KIAA1217: variants seen among roughly 807,000 people sequenced by gnomAD.
KIAA1217 encodes sickle tail protein homolog.
In KIAA1217, 88 loss-of-function variants were observed where a neutral mutation model predicts 163.9. The ratio of observed to expected loss-of-function variants is 0.54; its 90% CI spans 0.45 to 0.64. KIAA1217 has a LOEUF of 0.64. Among genes scored for constraint, KIAA1217 ranks in the 30% least tolerant of loss-of-function variants. The pLI, the probability that KIAA1217 is intolerant of heterozygous loss-of-function variation, is 0.00. For missense variants in KIAA1217, 2,372 were observed against 2,475.0 expected (o/e 0.96, Z 0.88); for synonymous variants, 903 against 923.1 (o/e 0.98, Z 0.39).
intron 1 of KIAA1217, among the ~76,000 whole-genome samples, chr10:23,814,666 G>A (rs1837235482): frequency 6.6e-6 from 1 of 152,154 alleles, no homozygotes; most frequent in African/African-American, 2.4e-5. Context: ...TCCTCCTCAT[G>A]TTTGAAATTG....
At chr10:24,285,973 ATTG>A (rs1272229336) in intron 2 of KIAA1217, among the ~76,000 whole-genome samples, 3 of 152,174 alleles carry the variant, frequency 2.0e-5, no homozygotes, top group Admixed American at 6.5e-5. Context: ...GTGTGTGGCT[ATTG>A]TTAATGAAAT....
At chr10:24,449,930 T>C (rs1429156150) in intron 5 of KIAA1217, among the ~76,000 whole-genome samples, 1 of 152,246 alleles carries the variant, frequency 6.6e-6, no homozygotes, top group Non-Finnish European at 1.5e-5. Context: ...GAAGAAAACC[T>C]CTCTTTGTTA....
At chr10:23,985,179 G>T (rs1845920855) in intron 1 of KIAA1217, among the ~76,000 whole-genome samples, 1 of 152,138 alleles carries the variant, frequency 6.6e-6, no homozygotes, top group African/African-American at 2.4e-5. Flanking sequence ...TCTTGATTTT[G>T]TGCTTGTCCT....
Position 24,545,957 on chromosome 10 carries a change from G to A in KIAA1217, c.5465G>A (p.Ser1822Asn), listed in dbSNP as rs2075693302. Reference protein sequence around the residue: ...SSSLPSSSGDSSNLPNPPATK... With the variant: ...SSSLPSSSGDNSNLPNPPATK... The stretch of plus-strand genomic sequence containing the variant: ...TCTCTGCCCTCTTCTAGTGGTGACA[G>A]CTCTAACCTCCCTAATCCACCTGCT... Residue 1822 changes from serine to asparagine, a missense_variant, in exon 21 of 21, where the codon AGC becomes AAC. By Grantham distance (46) the Ser-to-Asn change is conservative. This residue lies in a region of KIAA1217 where 690 missense variants were observed against 677.5 expected (regional missense o/e 1.02). Transcript: ENST00000376454. 1 of 1,614,118 alleles carries A rather than the reference G, an allele frequency of 6.2e-7. No homozygotes were observed.
chr10:23,748,396 T>A (rs778334655), intron 1 of KIAA1217, among the ~76,000 whole-genome samples: 1 of 149,900 alleles, frequency 6.7e-6, no homozygotes, highest in Non-Finnish European at 1.5e-5. Flanking sequence ...TTTCTTAGCA[T>A]CTAGCACAGC....
intron 3 of KIAA1217, among the ~76,000 whole-genome samples, chr10:24,430,356 T>C (rs2059503115): frequency 6.6e-6 from 1 of 152,258 alleles, no homozygotes; most frequent in Admixed American, 6.5e-5. Context: ...GGTGGCTACC[T>C]GGCTGGGTGG....
intron 2 of KIAA1217, among the ~76,000 whole-genome samples, chr10:24,302,911 G>A (rs1408356978): frequency 6.6e-6 from 1 of 152,100 alleles, no homozygotes; most frequent in African/African-American, 2.4e-5. Context: ...TGGGACTGAG[G>A]GACCATATGG....
intron 2 of KIAA1217, among the ~76,000 whole-genome samples, chr10:24,339,675 A>G (rs1374517824): frequency 6.6e-6 from 1 of 152,226 alleles, no homozygotes; most frequent in Non-Finnish European, 1.5e-5. Context: ...GAGAGGAAAT[A>G]AGGGCTGCAG....
At chr10:24,326,053 T>A (rs1251800869) in intron 2 of KIAA1217, among the ~76,000 whole-genome samples, 1 of 152,160 alleles carries the variant, frequency 6.6e-6, no homozygotes, top group African/African-American at 2.4e-5. Context: ...GGAGTGATGT[T>A]TCCATCACTC....
Position 24,252,913 on chromosome 10 carries a change from G to A in KIAA1217, c.354+33004G>A, listed in dbSNP as rs1460992497. On this transcript the variant is annotated intron_variant, in intron 2 of 20. Transcript: ENST00000376454. ...TCCCAGCACTTTCCCAGCACTTTGG[G>A]AGGCTGAGGCAGAAAGATCGATTGA... 4.6e-5 allele frequency among the ~76,000 whole-genome samples: 7 copies of A among 152,148 alleles called. No homozygotes were observed. The South Asian group carries it at 1.0e-3, about 23-fold the overall frequency.
intron 3 of KIAA1217, among the ~76,000 whole-genome samples, chr10:24,404,296 C>T (rs562394537): frequency 4.6e-5 from 7 of 152,124 alleles, no homozygotes; most frequent in East Asian, 1.9e-4. Flanking sequence ...GGGCCGGGTG[C>T]GGTGGCTTAT....
At chr10:23,866,198 T>A (rs1360108301) in intron 1 of KIAA1217, among the ~76,000 whole-genome samples, 3 of 152,118 alleles carry the variant, frequency 2.0e-5, no homozygotes, top group Non-Finnish European at 4.4e-5. Context: ...TGATGTGTGA[T>A]GTCGGGGGGA....
intron 3 of KIAA1217, 98 bp downstream of exon 3, chr10:24,381,165 T>A (rs1315676330): frequency 3.2e-6 from 3 of 930,986 alleles, no homozygotes; most frequent in African/African-American, 1.7e-5. Context: ...ATTAATTTGA[T>A]CTTGATTTGC....
At chr10:23,943,182 A>G (rs1275825784) in intron 1 of KIAA1217, among the ~76,000 whole-genome samples, 1 of 152,096 alleles carries the variant, frequency 6.6e-6, no homozygotes, top group Non-Finnish European at 1.5e-5. Context: ...ATAAGGAGGA[A>G]TAAGAGAAGG....
At chr10:24,288,422 C>G (rs928372021) in intron 2 of KIAA1217, among the ~76,000 whole-genome samples, 2 of 152,206 alleles carry the variant, frequency 1.3e-5, no homozygotes, top group Admixed American at 6.5e-5. Flanking sequence ...TTATCTGAAT[C>G]CTATTCTTGT....
chr10:24,360,034 T>G (rs1250100719), intron 2 of KIAA1217, among the ~76,000 whole-genome samples: 1 of 134,240 alleles, frequency 7.4e-6, no homozygotes, highest in East Asian at 2.3e-4. Flanking sequence ...CTTTAGGATA[T>G]AATTACTTTT....
chr10:24,437,019 G>A lies in KIAA1217; in HGVS notation c.753-1367G>A, dbSNP rs999290087. On this transcript the variant is annotated intron_variant, in intron 4 of 20. Coordinates refer to ENST00000376454, the MANE Select transcript of KIAA1217 (RefSeq NM_019590.5). Reference sequence around the variant, plus strand: ...ATGTTGCCACAGTAAATGCAACCCCGGCCTTTACTGTTGGTTCATCTCAGA... The same window carrying A: ...ATGTTGCCACAGTAAATGCAACCCCAGCCTTTACTGTTGGTTCATCTCAGA... Among the ~76,000 whole-genome samples the A allele has an allele frequency of 9.2e-5, 14 of 152,202 alleles. 2 individuals are homozygous for A. The highest frequency in any genetic ancestry group is 2.6e-4 in the Admixed American group (4 of 15,282).
chr10:23,876,160 C>A (rs1179960791), intron 1 of KIAA1217, among the ~76,000 whole-genome samples: 2 of 150,944 alleles, frequency 1.3e-5, no homozygotes, highest in Non-Finnish European at 3.0e-5. Context: ...ATAAAAAGAG[C>A]AAAATCAAGT....
chr10:23,843,327 A>G (rs1344947285), intron 1 of KIAA1217, among the ~76,000 whole-genome samples: 3 of 152,176 alleles, frequency 2.0e-5, no homozygotes, highest in Non-Finnish European at 4.4e-5. Flanking sequence ...GGTTCTACAA[A>G]CAAGACAGTT....
Sources: allele counts gnomAD v4.1 joint callset (sites outside exome capture counted in the v4.1 genomes callset), GRCh38; gene constraint gnomAD v4.1.1; regional missense constraint gnomAD v4.1.1; transcripts MANE v1.5; gene names NCBI Gene and HGNC (gene_info 2026-07-23, HGNC 2026-07-21).